SLC4A7: variants seen among roughly 807,000 people sequenced by gnomAD.
SLC4A7 encodes solute carrier family 4 member 7, also known as sodium bicarbonate cotransporter 3.
SLC4A7 carries 51 observed loss-of-function variants against 137.6 expected under a neutral mutation model. The ratio of observed to expected loss-of-function variants is 0.37; its 90% confidence interval spans 0.30 to 0.47. The LOEUF (loss-of-function observed/expected upper bound fraction) is 0.47. Among genes scored for constraint, SLC4A7 ranks in the 20% least tolerant of loss-of-function variants. SLC4A7 has a pLI of 1.00. For synonymous variants in SLC4A7, 542 were observed against 518.6 expected (o/e 1.05, Z -0.61); for missense variants, 1,247 against 1,525.4 (o/e 0.82, Z 3.04).
chr3:27,426,511 G>C (rs2055639533), intron 7 of SLC4A7, among the ~76,000 whole-genome samples: 1 of 152,092 alleles, frequency 6.6e-6, no homozygotes, highest in Non-Finnish European at 1.5e-5. Context: ...TTCCACCTGT[G>C]TATATATATC....
intron 3 of SLC4A7, among the ~76,000 whole-genome samples, chr3:27,439,477 G>C (rs974052907): frequency 2.0e-5 from 3 of 151,998 alleles, no homozygotes; most frequent in Non-Finnish European, 4.4e-5. Context: ...ACAAATCTTT[G>C]TCAGAATGAT....
rs575721514 is a variant in SLC4A7, at chr3:27,463,307, T to C, written c.61-10809A>G. The stretch of plus-strand genomic sequence containing the variant: ...TTAGCCAGGCGTGGTGGCGGGCGCC[T>C]ATAGTCCAGCTACTCAGGAAGCTGG... On this transcript the variant is annotated intron_variant, in intron 1 of 25. Transcript: ENST00000454389. 9.2e-5 allele frequency among the ~76,000 whole-genome samples: 14 copies of C among 152,032 alleles called. No individual in the cohort carries two copies. In the South Asian group the frequency reaches 2.7e-3, roughly 29 times the overall value.
intron 2 of SLC4A7, among the ~76,000 whole-genome samples, 157 bp from the exon 3 acceptor site, chr3:27,448,954 C>G (rs1049251884): frequency 1.4e-4 from 22 of 152,172 alleles, no homozygotes; most frequent in African/African-American, 5.1e-4. Context: ...AAGCACTACA[C>G]AGAATATTGT....
chr3:27,402,428 A>C (rs1367406229), intron 15 of SLC4A7, among the ~76,000 whole-genome samples: 1 of 152,206 alleles, frequency 6.6e-6, no homozygotes, highest in African/African-American at 2.4e-5. Flanking sequence ...AGCCGGGCAC[A>C]GTGGCTCACG....
At position 27,403,086 on chromosome 3, in the gene SLC4A7, T is replaced by C. The variant is rs546364683; in HGVS notation, c.2321+53A>G. ...AAAAAAAATTCATTTTCTGAGGCTC[T>C]GACATCTCTGTAAAAACACATTTTA... On this transcript the variant is annotated intron_variant, in intron 15 of 25. Coordinates refer to ENST00000454389, the MANE Select transcript of SLC4A7 (RefSeq NM_001321103.2). 1.1e-4 allele frequency: 164 copies of C among 1,543,942 alleles called. 4 individuals carry two copies. The South Asian group carries it at 1.5e-3, about 14-fold the overall frequency.
chr3:27,427,492 T>C (rs962579874), intron 7 of SLC4A7, among the ~76,000 whole-genome samples: 1 of 152,000 alleles, frequency 6.6e-6, no homozygotes, highest in African/African-American at 2.4e-5. Flanking sequence ...ACATATAACT[T>C]TTATACATAT....
At chr3:27,446,885 G>GTTTTTTTTTTT (rs796773901) in intron 3 of SLC4A7, among the ~76,000 whole-genome samples, 8 of 35,774 alleles carry the variant, frequency 2.2e-4, no homozygotes, top group South Asian at 1.8e-3. Context: ...GTTTTTTTTT[G>GTTTTTTTTTTT]TTTTTTTTGT....
intron 7 of SLC4A7, 129 bp downstream of exon 7, chr3:27,431,166 AAAC>A: frequency 2.0e-6 from 2 of 998,414 alleles, no homozygotes; most frequent in Admixed American, 6.2e-5. Flanking sequence ...AAAGAAAAAA[AAAC>A]ATGCAGAAGT....
chr3:27,375,901 G>A lies in SLC4A7; in HGVS notation c.*863C>T, dbSNP rs890823010. 1 of 151,988 alleles carries A rather than the reference G, an allele frequency of 6.6e-6. No homozygotes were observed. Among genetic ancestry groups the A allele is most frequent in the Non-Finnish European group, 1.5e-5 (1 of 67,906 alleles). The allele number at this position is 151,988 out of a possible 1,614,324, so 9.4% of individuals were successfully genotyped here. ...ATAAGAGAATAATAGTCAAGAACTT[G>A]AACCTGATGGAAACTAAAGCATTTT... is the stretch of plus-strand genomic sequence containing the variant. On this transcript the variant is annotated 3_prime_UTR_variant, in exon 26 of 26. Transcript: ENST00000454389.
At chr3:27,478,643 T>C (rs2059574197) in intron 1 of SLC4A7, among the ~76,000 whole-genome samples, 1 of 151,562 alleles carries the variant, frequency 6.6e-6, no homozygotes, top group Admixed American at 6.6e-5. Context: ...TAAGAAAAAT[T>C]AAAACATTTT....
chr3:27,465,953 C>CAA (rs869147513), intron 1 of SLC4A7, among the ~76,000 whole-genome samples: 28 of 122,482 alleles, frequency 2.3e-4, no homozygotes, highest in Admixed American at 1.2e-3. Flanking sequence ...GAGTCCGTCT[C>CAA]AAAAAAAAAA....
intron 1 of SLC4A7, chr3:27,456,535 GGAT>G (rs2058419937): frequency 1.3e-6 from 1 of 747,124 alleles, no homozygotes; most frequent in Non-Finnish European, 2.3e-6. Context: ...AGGACACAAA[GGAT>G]GATACTATTC....
chr3:27,396,255 T>C (rs2052151304), intron 18 of SLC4A7, among the ~76,000 whole-genome samples: 1 of 152,172 alleles, frequency 6.6e-6, no homozygotes, highest in African/African-American at 2.4e-5. Context: ...AACAAAAATA[T>C]TTTATTCTAC....
intron 2 of SLC4A7, among the ~76,000 whole-genome samples, chr3:27,451,188 T>G (rs2058052393): frequency 6.6e-6 from 1 of 151,918 alleles, no homozygotes; most frequent in African/African-American, 2.4e-5. Context: ...AGAATATAAA[T>G]GAAAACATTT....
intron 22 of SLC4A7, among the ~76,000 whole-genome samples, chr3:27,386,436 C>G (rs890220478): frequency 9.9e-5 from 15 of 152,034 alleles, no homozygotes; most frequent in Admixed American, 6.6e-4. Context: ...TTTAACTTTT[C>G]AATCATATGG....
At chr3:27,451,960 A>G (rs1171710858) in intron 2 of SLC4A7, among the ~76,000 whole-genome samples, 4 of 152,142 alleles carry the variant, frequency 2.6e-5, no homozygotes, top group Admixed American at 6.5e-5. Flanking sequence ...CTTCCTGTCT[A>G]AGGAAGAAAG....
chr3:27,457,104 A>C, intron 1 of SLC4A7: 1 of 195,286 alleles, frequency 5.1e-6, no homozygotes, highest in Non-Finnish European at 9.3e-6. Flanking sequence ...AGAAAAAAAA[A>C]AGAGTAGCAC....
chr3:27,430,334 C>T (rs2056139061), intron 7 of SLC4A7, among the ~76,000 whole-genome samples: 1 of 151,480 alleles, frequency 6.6e-6, no homozygotes, highest in Admixed American at 6.6e-5. Flanking sequence ...ACCAAGCTAC[C>T]AAGGCAAGAC....
rs567549728 is a variant in SLC4A7 at position 27,453,704 on chromosome 3, A to C, written c.61-1206T>G. Among the ~76,000 whole-genome samples, 26 of 152,356 alleles carry C rather than the reference A, an allele frequency of 1.7e-4. No homozygotes were observed. In the East Asian group the frequency reaches 4.0e-3, roughly 24 times the overall value. On this transcript the variant is annotated intron_variant, in intron 1 of 25. Coordinates refer to ENST00000454389, the MANE Select transcript of SLC4A7 (RefSeq NM_001321103.2). ...CTCAGTAAGTAAACTCAGGAACTGA[A>C]CTGATTTGATTAAATTTTCAAATAA...
Sources: allele counts gnomAD v4.1 joint callset (sites outside exome capture counted in the v4.1 genomes callset), GRCh38; gene constraint gnomAD v4.1.1; transcripts MANE v1.5; gene names NCBI Gene and HGNC (gene_info 2026-07-23, HGNC 2026-07-21).